The following PROS1 variants were observed in gnomAD, a reference collection of about 807,000 sequenced individuals.
PROS1 encodes vitamin K-dependent protein S.
In PROS1, 29 loss-of-function variants were observed where a neutral mutation model predicts 75.9. That is an observed-to-expected ratio of 0.38 (90% CI 0.28 to 0.52). The LOEUF is 0.52. Ranked by LOEUF, PROS1 falls within the 20% of genes least tolerant of loss-of-function variation. The pLI, the probability that PROS1 is intolerant of heterozygous loss-of-function variation, is 0.83. For synonymous variants in PROS1, 245 were observed against 280.6 expected (o/e 0.87, Z 1.27); for missense variants, 680 against 810.3 (o/e 0.84, Z 1.95).
intron 13 of PROS1, among the ~76,000 whole-genome samples, chr3:93,878,237 C>T (rs1399117025): frequency 6.6e-6 from 1 of 151,954 alleles, no homozygotes; most frequent in Non-Finnish European, 1.5e-5. Flanking sequence ...AACAAAAAAC[C>T]CCTGAAATCC....
rs531436627 is a variant in PROS1 at position 93,927,243 on chromosome 3, T to C, written c.234+7A>G. ...GTGTGAACTTGATAGTTTCCATAAA[T>C]GCTTACCGTTTCCGGGTCATTTTCA... On this transcript the variant is annotated splice_region_variant and intron_variant, in intron 2 of 14. Coordinates refer to ENST00000394236, the MANE Select transcript of PROS1 (RefSeq NM_000313.4). The C allele has an allele frequency of 6.2e-7, 1 of 1,612,248 alleles. No homozygotes were observed. The highest frequency in any genetic ancestry group is 1.3e-5 in the African/African-American group (1 of 74,990).
chr3:93,878,099 C>A (rs1439174131), intron 13 of PROS1, among the ~76,000 whole-genome samples: 1 of 152,072 alleles, frequency 6.6e-6, no homozygotes, highest in Admixed American at 6.6e-5. Flanking sequence ...AAGAAAGAAC[C>A]ACGGAGGCAA....
chr3:93,954,097 C>T (rs185844394), intron 1 of PROS1, among the ~76,000 whole-genome samples: 8 of 152,220 alleles, frequency 5.3e-5, no homozygotes, highest in Admixed American at 1.3e-4. Flanking sequence ...AATGGAAGAA[C>T]ATTCCATGCT....
intron 10 of PROS1, among the ~76,000 whole-genome samples, chr3:93,887,866 G>A (rs1459352388): frequency 6.6e-6 from 1 of 152,216 alleles, no homozygotes; most frequent in Non-Finnish European, 1.5e-5. Context: ...AAAATTTGGA[G>A]GTGAGGAACA....
intron 11 of PROS1, among the ~76,000 whole-genome samples, chr3:93,885,108 T>G (rs1213098985): frequency 1.3e-5 from 2 of 152,188 alleles, no homozygotes; most frequent in Non-Finnish European, 2.9e-5. Context: ...AAGCCCTCAG[T>G]GGGATCTTAA....
chr3:93,910,840 A>G (rs1708750013), intron 3 of PROS1, 135 bp from the exon 4 acceptor site: 2 of 738,130 alleles, frequency 2.7e-6, no homozygotes, highest in African/African-American at 3.5e-5. Flanking sequence ...AAAATGCAAC[A>G]CTAAATGTTT....
In PROS1 at chr3:93,924,663, CT is replaced by C. The variant is rs368011620; in HGVS notation, c.235-400del. On this transcript the variant is annotated intron_variant, in intron 2 of 14. Transcript: ENST00000394236. Reference sequence around the variant, plus strand: ...ATGTTGAATCACAGTAACGTACTCTCTTTTTTTTTTTTTTTTTGAGACGAGG... The same window carrying C: ...ATGTTGAATCACAGTAACGTACTCTCTTTTTTTTTTTTTTTTGAGACGAGG... Among the ~76,000 whole-genome samples the C allele has an allele frequency of 2.9e-3, 391 of 136,630 alleles. 1 individual carries two copies. Among genetic ancestry groups the C allele is most frequent in the Middle Eastern group, 7.9e-3 (2 of 252 alleles). 89.6% of individuals were successfully genotyped at this position (136,630 alleles called of 152,430 possible).
intron 1 of PROS1, among the ~76,000 whole-genome samples, chr3:93,969,122 C>CTTTT (rs773990991): frequency 7.9e-5 from 9 of 114,330 alleles, no homozygotes; most frequent in East Asian, 2.6e-4. Flanking sequence ...CTTTTGTTTT[C>CTTTT]TTTTTTTTTT....
chr3:93,891,778 G>A (rs1288656241), intron 10 of PROS1, among the ~76,000 whole-genome samples: 1 of 152,064 alleles, frequency 6.6e-6, no homozygotes, highest in Non-Finnish European at 1.5e-5. Context: ...CTGACAACTA[G>A]GTCCGGTACA....
intron 1 of PROS1, among the ~76,000 whole-genome samples, chr3:93,935,996 C>A (rs1476110509): frequency 1.4e-5 from 2 of 144,644 alleles, no homozygotes; most frequent in Admixed American, 1.4e-4. Flanking sequence ...AATGAAAAAA[C>A]TACTGTTTTT....
intron 1 of PROS1, among the ~76,000 whole-genome samples, chr3:93,934,530 G>C (rs991943032): frequency 2.0e-5 from 3 of 152,208 alleles, no homozygotes; most frequent in Admixed American, 2.0e-4. Flanking sequence ...ATGGGTTAAA[G>C]AACATTCTGT....
rs567459296 is a variant in PROS1 at position 93,887,344 on chromosome 3, T to C, written c.1156-841A>G. Among the ~76,000 whole-genome samples, 6 of 152,332 alleles carry C rather than the reference T, an allele frequency of 3.9e-5. No homozygotes were observed. The East Asian group carries it at 9.6e-4, about 24-fold the overall frequency. On this transcript the variant is annotated intron_variant, in intron 10 of 14. Transcript: ENST00000394236. ...TAAGAAAAAAATACATAAAATTAAA[T>C]TGGAGTTTTCCAATTTTGAGAGTTG...
chr3:93,893,837 C>G (rs1177063403), intron 9 of PROS1, among the ~76,000 whole-genome samples: 3 of 152,088 alleles, frequency 2.0e-5, no homozygotes, highest in African/African-American at 7.2e-5. Flanking sequence ...CATAGTCTAC[C>G]CATGTGTTTG....
At chr3:93,917,890 C>T (rs1037709918) in intron 3 of PROS1, among the ~76,000 whole-genome samples, 1 of 152,156 alleles carries the variant, frequency 6.6e-6, no homozygotes, top group African/African-American at 2.4e-5. Context: ...GCTCCTGTGC[C>T]ATGAAGCCTC....
chr3:93,884,755 C>T lies in PROS1; in HGVS notation c.1465G>A (p.Gly489Arg), dbSNP rs762438750. The T allele has an allele frequency of 1.9e-6, 3 of 1,613,562 alleles. No individual in the cohort carries two copies. The highest frequency in any genetic ancestry group is 2.7e-5 in the African/African-American group (2 of 74,886). Residue 489 changes from glycine (G) to arginine (R), a missense_variant, in exon 12 of 15, where the codon GGA becomes AGA. Transcript: ENST00000394236. ...VEKGSYYPGS[G>R]IAQFHIDYNN... ...TAATCTATGTGAAATTGAGCAATTC[C>T]AGAACCAGGATAGTAGGAGCCCTTC...
chr3:93,954,596 A>C (rs1224852720), intron 1 of PROS1, among the ~76,000 whole-genome samples: 1 of 152,192 alleles, frequency 6.6e-6, no homozygotes, highest in African/African-American at 2.4e-5. Flanking sequence ...TAAAGACTTA[A>C]ATGTTAGACC....
chr3:93,887,370 T>C (rs1708365142), intron 10 of PROS1, among the ~76,000 whole-genome samples: 1 of 152,148 alleles, frequency 6.6e-6, no homozygotes, highest in Admixed American at 6.5e-5. Context: ...TTGAGAGTTG[T>C]TTGGGTTTTT....
chr3:93,949,092 C>T (rs371418711), intron 1 of PROS1, among the ~76,000 whole-genome samples: 1 of 152,192 alleles, frequency 6.6e-6, no homozygotes, highest in Non-Finnish European at 1.5e-5. Context: ...GAGAAACAGG[C>T]ACTCACTAAG....
intron 3 of PROS1, among the ~76,000 whole-genome samples, chr3:93,919,843 AC>A (rs1708918479): frequency 6.6e-6 from 1 of 152,182 alleles, no homozygotes; most frequent in Non-Finnish European, 1.5e-5. Context: ...TAAATAATCC[AC>A]AGTGACTTAC....
Sources: allele counts gnomAD v4.1 joint callset (sites outside exome capture counted in the v4.1 genomes callset), GRCh38; gene constraint gnomAD v4.1.1; transcripts MANE v1.5; gene names NCBI Gene and HGNC (gene_info 2026-07-23, HGNC 2026-07-21).